The following ARFGEF2 variants were observed in gnomAD, a reference collection of about 807,000 sequenced individuals.
The protein encoded by ARFGEF2 is ARF guanine nucleotide exchange factor 2.
In ARFGEF2, 74 loss-of-function variants were observed where a neutral mutation model predicts 219.9. That is an observed-to-expected ratio of 0.34 (90% CI 0.28 to 0.41). The LOEUF is 0.41. Among genes scored for constraint, ARFGEF2 ranks in the 10% least tolerant of loss-of-function variants. The pLI is 1.00. For synonymous variants in ARFGEF2, 733 were observed against 799.2 expected (o/e 0.92, Z 1.40); for missense variants, 1,743 against 2,218.3 (o/e 0.79, Z 4.30).
intron 2 of ARFGEF2, 32 bp downstream of exon 2, chr20:48,941,261 A>G: frequency 6.2e-7 from 1 of 1,610,104 alleles, no homozygotes; most frequent in Non-Finnish European, 8.5e-7. Context: ...TTGCTGAGAT[A>G]CGGCATGAAG....
chr20:48,998,738 T>G (rs2091406988), intron 25 of ARFGEF2, among the ~76,000 whole-genome samples: 2 of 152,174 alleles, frequency 1.3e-5, no homozygotes, highest in African/African-American at 2.4e-5. Context: ...ATATCCCACA[T>G]GCAGGATGTA....
intron 20 of ARFGEF2, 112 bp downstream of exon 20, chr20:48,989,796 T>C (rs2091347114): frequency 1.3e-6 from 2 of 1,484,336 alleles, no homozygotes; most frequent in Non-Finnish European, 9.2e-7. Context: ...CTTAGCAAGC[T>C]ACTTACTTAT....
At chr20:49,000,626 A>G (rs2091419346) in intron 25 of ARFGEF2, among the ~76,000 whole-genome samples, 2 of 152,244 alleles carry the variant, frequency 1.3e-5, no homozygotes, top group Admixed American at 6.5e-5. Context: ...AATGTGAATC[A>G]TTGCGACTAC....
intron 23 of ARFGEF2, among the ~76,000 whole-genome samples, chr20:48,997,394 G>A (rs1237297244): frequency 2.6e-5 from 4 of 151,966 alleles, no homozygotes; most frequent in Admixed American, 1.3e-4. Context: ...TGCCTCAGCC[G>A]CCCAAGTAGC....
chr20:48,922,873 T>A (rs2090852103), intron 1 of ARFGEF2, among the ~76,000 whole-genome samples: 1 of 152,224 alleles, frequency 6.6e-6, no homozygotes. Context: ...GACATGGTCC[T>A]TACCCCTATG....
intron 13 of ARFGEF2, 123 bp downstream of exon 13, chr20:48,974,997 A>G (rs974407696): frequency 1.5e-5 from 12 of 807,098 alleles, no homozygotes; most frequent in South Asian, 5.9e-5. Context: ...CTAAATACCT[A>G]TATTATTTTG....
chr20:49,028,460 T>G, intron 36 of ARFGEF2, 70 bp from the exon 37 acceptor site: 5 of 1,458,946 alleles, frequency 3.4e-6, no homozygotes, highest in Non-Finnish European at 4.7e-6. Flanking sequence ...ATAACTAGAT[T>G]TCTAGTCATA....
chr20:48,927,730 CAA>C (rs2090887300), intron 1 of ARFGEF2, among the ~76,000 whole-genome samples: 1 of 151,728 alleles, frequency 6.6e-6, no homozygotes, highest in Admixed American at 6.6e-5. Flanking sequence ...ATTGACATAA[CAA>C]GACTTTAAAT....
chr20:48,992,642 A>G (rs1389348163), intron 21 of ARFGEF2, among the ~76,000 whole-genome samples: 2 of 152,206 alleles, frequency 1.3e-5, no homozygotes, highest in Non-Finnish European at 2.9e-5. Context: ...GGCAAGTAAT[A>G]AGAACTCAAT....
At chr20:48,998,903 G>A (rs752983637) in intron 25 of ARFGEF2, among the ~76,000 whole-genome samples, 1 of 152,000 alleles carries the variant, frequency 6.6e-6, no homozygotes. Context: ...CTTGTATTCC[G>A]GCACCTATTG....
rs144201853 is a variant in ARFGEF2, at chr20:49,016,399, G to C, written c.4299G>C (p.Gln1433His). 6.2e-7 allele frequency: 1 copy of C among 1,613,130 alleles called. No homozygotes were observed. Among genetic ancestry groups the C allele is most frequent in the East Asian group, 2.2e-5 (1 of 44,842 alleles). Residue 1433 changes from glutamine (Q) to histidine (H), a missense_variant, in exon 31 of 39, where the codon CAG becomes CAC. By Grantham distance (24) the Gln-to-His change is conservative. Around this residue, in one of 5 missense-constraint regions of ARFGEF2, gnomAD observed 578 missense variants for 664.0 expected, o/e 0.87. Coordinates refer to ENST00000371917, the MANE Select transcript of ARFGEF2 (RefSeq NM_006420.3). The stretch of plus-strand genomic sequence containing the variant: ...TTTCTGATGTATTTGCACAATTGCA[G>C]TGGTGTGTCAAACAAGGTACTCTTT... ...VLLSDVFAQLQWCVKQDNEQL... is the reference protein window; with the variant it reads ...VLLSDVFAQLHWCVKQDNEQL...
chr20:48,951,184 G>A lies in ARFGEF2; in HGVS notation c.277-139G>A, dbSNP rs2091068697. ...GGACGAAGGTTGCAGTCACAGAGTGGTTATGCCTGCCTGGCTCCTGGGGAG... is the reference window on the plus strand; with the variant it reads ...GGACGAAGGTTGCAGTCACAGAGTGATTATGCCTGCCTGGCTCCTGGGGAG... On this transcript the variant is annotated intron_variant, in intron 3 of 38. Transcript: ENST00000371917. 4.0e-6 allele frequency: 4 copies of A among 1,012,172 alleles called. No individual in the cohort carries two copies. In the Admixed American group the frequency reaches 6.0e-5, roughly 15 times the overall value. 62.7% of individuals were successfully genotyped at this position (1,012,172 alleles called of 1,614,324 possible).
At chr20:49,016,713 A>G (rs764027280) in intron 31 of ARFGEF2, among the ~76,000 whole-genome samples, 1 of 152,168 alleles carries the variant, frequency 6.6e-6, no homozygotes, top group African/African-American at 2.4e-5. Flanking sequence ...AAATGTTTTT[A>G]AAATGTATTG....
intron 36 of ARFGEF2, among the ~76,000 whole-genome samples, chr20:49,027,708 A>G (rs2091611759): frequency 6.6e-6 from 1 of 151,998 alleles, no homozygotes; most frequent in South Asian, 2.1e-4. Context: ...TAAAATACCA[A>G]TAAATAAATG....
chr20:48,980,950 T>C (rs1220771589), intron 14 of ARFGEF2, among the ~76,000 whole-genome samples: 1 of 152,242 alleles, frequency 6.6e-6, no homozygotes, highest in African/African-American at 2.4e-5. Flanking sequence ...CCAGTCTGTG[T>C]CTTTTAATTG....
chr20:48,959,228 T>C (rs1174059533), intron 6 of ARFGEF2, among the ~76,000 whole-genome samples: 1 of 152,040 alleles, frequency 6.6e-6, no homozygotes, highest in Non-Finnish European at 1.5e-5. Flanking sequence ...TGAATGTAAA[T>C]GAGGTGCTGT....
intron 1 of ARFGEF2, among the ~76,000 whole-genome samples, chr20:48,937,241 C>T (rs1009259193): frequency 2.6e-5 from 4 of 152,212 alleles, no homozygotes; most frequent in African/African-American, 9.6e-5. Flanking sequence ...CCACCTTCCT[C>T]TTTATCCTCA....
chr20:48,964,434 A>G (rs765818516), intron 7 of ARFGEF2, among the ~76,000 whole-genome samples: 1 of 152,226 alleles, frequency 6.6e-6, no homozygotes, highest in Non-Finnish European at 1.5e-5. Context: ...TGACTGTGTT[A>G]GGCTTAGATG....
At chr20:48,950,806 AAAAAAATATATATATAT>A (rs1262392873) in intron 3 of ARFGEF2, among the ~76,000 whole-genome samples, 76 of 43,368 alleles carry the variant, frequency 1.8e-3, no homozygotes, top group African/African-American at 9.8e-3. Flanking sequence ...AAAAAAAAAA[AAAAAAATATATATATAT>A]ATATATATAT....
Sources: allele counts gnomAD v4.1 joint callset (sites outside exome capture counted in the v4.1 genomes callset), GRCh38; gene constraint gnomAD v4.1.1; regional missense constraint gnomAD v4.1.1; transcripts MANE v1.5; gene names NCBI Gene and HGNC (gene_info 2026-07-23, HGNC 2026-07-21).